The following LRMDA variants were observed in gnomAD, a reference collection of about 807,000 sequenced individuals.
LRMDA encodes the protein leucine rich melanocyte differentiation associated.
Under a neutral mutation model 29.8 loss-of-function variants are expected in LRMDA, and 18 were observed. That is an observed-to-expected ratio of 0.60 (90% confidence interval 0.42 to 0.90). LRMDA has a LOEUF of 0.90. LRMDA is among the 40% of genes least tolerant of loss of function. The pLI, the probability that LRMDA is intolerant of heterozygous loss-of-function variation, is 0.00. For missense variants in LRMDA, 273 were observed against 273.9 expected, an observed-to-expected ratio of 1.00 and a Z score of 0.02; for synonymous variants, 125 against 109.4, an observed-to-expected ratio of 1.14 and a Z score of -0.89.
intron 2 of LRMDA, among the ~76,000 whole-genome samples, chr10:75,932,164 G>A (rs904301227): frequency 1.3e-5 from 2 of 152,146 alleles, no homozygotes; most frequent in Non-Finnish European, 2.9e-5. Flanking sequence ...CCCTGTGGCT[G>A]TACTTTCTTA....
At chr10:75,746,466 C>A (rs1842892121) in intron 2 of LRMDA, among the ~76,000 whole-genome samples, 1 of 152,156 alleles carries the variant, frequency 6.6e-6, no homozygotes, top group African/African-American at 2.4e-5. Flanking sequence ...TCAGGAAAAT[C>A]TGAGTGTAAA....
chr10:76,524,234 G>A (rs1049829199), intron 6 of LRMDA, among the ~76,000 whole-genome samples: 4 of 152,110 alleles, frequency 2.6e-5, no homozygotes, highest in Non-Finnish European at 1.5e-5. Context: ...TGTGAGCCCC[G>A]CATTCAACTT....
intron 3 of LRMDA, among the ~76,000 whole-genome samples, chr10:76,044,948 C>CCT (rs1848406745): frequency 6.6e-6 from 1 of 151,206 alleles, no homozygotes; most frequent in African/African-American, 2.4e-5. Context: ...TTAGTTTCCC[C>CCT]CTCTTGCTTG....
intron 6 of LRMDA, among the ~76,000 whole-genome samples, chr10:76,513,630 A>AAC (rs933509179): frequency 1.3e-5 from 2 of 152,210 alleles, no homozygotes; most frequent in Non-Finnish European, 2.9e-5. Flanking sequence ...TCACTCAATG[A>AAC]ACACCGTGTC....
chr10:75,764,729 C>T (rs1362698958), intron 2 of LRMDA, among the ~76,000 whole-genome samples: 2 of 152,136 alleles, frequency 1.3e-5, no homozygotes, highest in African/African-American at 4.8e-5. Context: ...GCTAACACCA[C>T]GAAGGAGATA....
At chr10:76,377,686 G>A (rs139925138) in intron 6 of LRMDA, among the ~76,000 whole-genome samples, 6 of 152,276 alleles carry the variant, frequency 3.9e-5, no homozygotes, top group East Asian at 1.9e-4. Context: ...TCAGTTGCTT[G>A]TAGATATGTG....
chr10:76,456,634 G>A (rs866498304), intron 6 of LRMDA, among the ~76,000 whole-genome samples: 20 of 149,166 alleles, frequency 1.3e-4, no homozygotes, highest in Non-Finnish European at 1.8e-4. Flanking sequence ...TAGGCCTTCT[G>A]AGAAAGTTGC....
At chr10:76,237,352 A>G (rs1202448097) in intron 5 of LRMDA, among the ~76,000 whole-genome samples, 2 of 152,214 alleles carry the variant, frequency 1.3e-5, no homozygotes, top group Non-Finnish European at 2.9e-5. Context: ...TCTAAATTCT[A>G]TAGGTGTACA....
chr10:76,054,071 C>T (rs1848571456), intron 4 of LRMDA, among the ~76,000 whole-genome samples: 2 of 152,178 alleles, frequency 1.3e-5, no homozygotes, highest in Non-Finnish European at 2.9e-5. Flanking sequence ...TTGCTTTTAT[C>T]TCCTCATGTT....
At chr10:75,673,234 G>C (rs1303880237) in intron 2 of LRMDA, among the ~76,000 whole-genome samples, 1 of 152,100 alleles carries the variant, frequency 6.6e-6, no homozygotes, top group Non-Finnish European at 1.5e-5. Context: ...AAATCATTTG[G>C]AGGCATGAAC....
chr10:76,245,326 A>T (rs1852354843), intron 5 of LRMDA, among the ~76,000 whole-genome samples: 1 of 152,112 alleles, frequency 6.6e-6, no homozygotes, highest in African/African-American at 2.4e-5. Flanking sequence ...GGCATTGAAA[A>T]TCCAGTGCCT....
At chr10:76,269,256 C>T (rs192039397) in intron 5 of LRMDA, among the ~76,000 whole-genome samples, 5 of 152,244 alleles carry the variant, frequency 3.3e-5, no homozygotes, top group Admixed American at 2.6e-4. Context: ...TGGCCCTATC[C>T]CTGCTTCCCT....
chr10:76,084,172 TTTTTC>T (rs1345928909), intron 5 of LRMDA, among the ~76,000 whole-genome samples: 5 of 150,030 alleles, frequency 3.3e-5, no homozygotes, highest in Admixed American at 6.6e-5. Context: ...AATATTATGT[TTTTTC>T]TTTTCTTTTC....
chr10:75,565,386 G>A (rs1459382721), intron 2 of LRMDA, among the ~76,000 whole-genome samples: 2 of 152,106 alleles, frequency 1.3e-5, no homozygotes, highest in Non-Finnish European at 2.9e-5. Flanking sequence ...CATGGAGGGT[G>A]CCTACCTGAA....
intron 2 of LRMDA, among the ~76,000 whole-genome samples, chr10:75,659,138 C>T (rs900629872): frequency 1.4e-4 from 21 of 152,222 alleles, no homozygotes; most frequent in African/African-American, 4.8e-4. Context: ...ACAAAGTGCA[C>T]GTCTGCCCCT....
At chr10:75,944,012 C>G (rs1337405344) in intron 2 of LRMDA, among the ~76,000 whole-genome samples, 2 of 152,172 alleles carry the variant, frequency 1.3e-5, no homozygotes, top group African/African-American at 4.8e-5. Flanking sequence ...CACTGATCTT[C>G]ATTCCTTTTT....
chr10:76,080,354 C>T (rs1363674319), intron 5 of LRMDA, among the ~76,000 whole-genome samples: 1 of 152,104 alleles, frequency 6.6e-6, no homozygotes, highest in South Asian at 2.1e-4. Context: ...TTCTGTTTAC[C>T]CCATGGGGCC....
intron 5 of LRMDA, among the ~76,000 whole-genome samples, chr10:76,212,526 G>A (rs1851655222): frequency 6.6e-6 from 1 of 152,076 alleles, no homozygotes; most frequent in Non-Finnish European, 1.5e-5. Flanking sequence ...ATAAAAGTAT[G>A]AATATTACCA....
chr10:76,216,114 G>T (rs1309549399), intron 5 of LRMDA, among the ~76,000 whole-genome samples: 4 of 152,226 alleles, frequency 2.6e-5, no homozygotes, highest in Non-Finnish European at 4.4e-5. Context: ...AACATTTTGG[G>T]AGGCCAACAC....
Sources: allele counts gnomAD v4.1 joint callset (sites outside exome capture counted in the v4.1 genomes callset), GRCh38; gene constraint gnomAD v4.1.1; transcripts MANE v1.5; gene names NCBI Gene and HGNC (gene_info 2026-07-23, HGNC 2026-07-21).